The following PRKG2 variants were observed in gnomAD, a reference collection of about 807,000 sequenced individuals.
PRKG2 encodes protein kinase cGMP-dependent 2, also known as cGMP-dependent protein kinase 2.
In PRKG2, 33 loss-of-function variants were observed where a neutral mutation model predicts 97.2. The observed-to-expected ratio is 0.34, with a 90% CI of 0.26 to 0.45. The LOEUF is 0.45. PRKG2 is among the 20% of genes least tolerant of loss of function. The pLI is 1.00. For missense variants in PRKG2, 638 were observed against 900.0 expected, an observed-to-expected ratio of 0.71 and a Z score of 3.73; for synonymous variants, 330 against 321.8, an observed-to-expected ratio of 1.03 and a Z score of -0.27.
In PRKG2 at chr4:81,178,985, C is replaced by T. The variant is rs538808966; in HGVS notation, c.462-4026G>A. ...ACTAAAAATACAAAAAATAGCTGGT[C>T]GTGGTGGCAGGCGCCTGTAGTCCCA... On this transcript the variant is annotated intron_variant, in intron 2 of 18. Coordinates refer to ENST00000264399, the MANE Select transcript of PRKG2 (RefSeq NM_006259.3). 8.6e-4 allele frequency among the ~76,000 whole-genome samples: 130 copies of T among 151,718 alleles called. 1 individual carries two copies. Among genetic ancestry groups the T allele is most frequent in the African/African-American group, 3.0e-3 (124 of 41,374 alleles).
At chr4:81,098,858 A>T (rs1031635067) in intron 17 of PRKG2, among the ~76,000 whole-genome samples, 1 of 152,240 alleles carries the variant, frequency 6.6e-6, no homozygotes, top group African/African-American at 2.4e-5. Flanking sequence ...AATTACCAAA[A>T]TGTAACACAG....
At position 81,210,031 on chromosome 4, in the gene PRKG2, T is replaced by A. The variant is rs868389312; in HGVS notation, c.-14+4905A>T. ...ACCGGAACAACTAGGCATTAATTTT[T>A]AAAAAAATAGAATCTAGATACCGAT... On this transcript the variant is annotated intron_variant, in intron 1 of 18. Coordinates refer to ENST00000264399, the MANE Select transcript of PRKG2 (RefSeq NM_006259.3). Among the ~76,000 whole-genome samples, 15 of 152,098 alleles carry A rather than the reference T, an allele frequency of 9.9e-5. No individual in the cohort carries two copies. The East Asian group carries it at 1.2e-3, about 12-fold the overall frequency.
chr4:81,143,127 G>C (rs377100650), intron 10 of PRKG2, among the ~76,000 whole-genome samples, 180 bp from the exon 11 acceptor site: 3 of 152,222 alleles, frequency 2.0e-5, no homozygotes, highest in African/African-American at 7.2e-5. Context: ...GAAAACAATA[G>C]AATATACAAA....
chr4:81,122,942 T>C (rs1745207456), intron 14 of PRKG2, among the ~76,000 whole-genome samples: 1 of 152,234 alleles, frequency 6.6e-6, no homozygotes, highest in Admixed American at 6.5e-5. Context: ...AAAACAGCTC[T>C]GGCTGGGCTG....
At chr4:81,153,801 T>A (rs1306616845) in intron 6 of PRKG2, 80 bp from the exon 7 acceptor site, 3 of 986,026 alleles carry the variant, frequency 3.0e-6, no homozygotes, top group Non-Finnish European at 4.8e-6. Context: ...AGTATACAGC[T>A]CCCAGCGTGA....
intron 2 of PRKG2, among the ~76,000 whole-genome samples, chr4:81,189,529 C>T (rs564499510): frequency 9.8e-4 from 147 of 149,664 alleles, no homozygotes; most frequent in Non-Finnish European, 1.4e-3. Context: ...CCAAACACCG[C>T]GTATTCTCAC....
intron 2 of PRKG2, 34 bp from the exon 3 acceptor site, chr4:81,174,993 T>C: frequency 1.3e-6 from 2 of 1,522,390 alleles, no homozygotes; most frequent in Non-Finnish European, 1.8e-6. Flanking sequence ...TAGTTACAAT[T>C]AATGAAAATC....
At chr4:81,173,082 A>AT (rs1750634985) in intron 3 of PRKG2, among the ~76,000 whole-genome samples, 1 of 152,156 alleles carries the variant, frequency 6.6e-6, no homozygotes, top group South Asian at 2.1e-4. Flanking sequence ...GTTATGGCTC[A>AT]TTGTGCCTGA....
intron 2 of PRKG2, chr4:81,192,353 A>G (rs1246675891): frequency 6.6e-6 from 1 of 152,206 alleles, no homozygotes; most frequent in Non-Finnish European, 1.5e-5. Flanking sequence ...CCAAGGTGCT[A>G]GTAATGTTTA....
At chr4:81,183,021 A>T (rs1751553785) in intron 2 of PRKG2, among the ~76,000 whole-genome samples, 1 of 152,154 alleles carries the variant, frequency 6.6e-6, no homozygotes, top group Non-Finnish European at 1.5e-5. Flanking sequence ...GAAAATTGAG[A>T]AGCTGATATT....
chr4:81,105,787 A>T (rs1221252051), intron 16 of PRKG2, 26 bp downstream of exon 16: 1 of 1,612,128 alleles, frequency 6.2e-7, no homozygotes. Flanking sequence ...TCTTCAAGAC[A>T]AGGGGTTACT....
chr4:81,101,527 G>A (rs1014170308), intron 17 of PRKG2, among the ~76,000 whole-genome samples: 7 of 147,570 alleles, frequency 4.7e-5, no homozygotes, highest in Non-Finnish European at 1.0e-4. Context: ...GAGAACACAT[G>A]GACCCAGGAA....
intron 2 of PRKG2, among the ~76,000 whole-genome samples, chr4:81,182,382 A>G (rs1751493647): frequency 6.6e-6 from 1 of 152,058 alleles, no homozygotes; most frequent in Admixed American, 6.5e-5. Context: ...TGGCAAATTA[A>G]GTATAGAGGA....
chr4:81,142,647 G>C (rs768444588), intron 11 of PRKG2, 147 bp downstream of exon 11: 1 of 1,032,762 alleles, frequency 9.7e-7, no homozygotes, highest in African/African-American at 1.6e-5. Context: ...AATATACAGA[G>C]TGAAAAGTTT....
At chr4:81,117,610 C>A (rs552127422) in intron 14 of PRKG2, among the ~76,000 whole-genome samples, 1 of 152,068 alleles carries the variant, frequency 6.6e-6, no homozygotes, top group South Asian at 2.1e-4. Context: ...ATTCTCTCAG[C>A]GTCTATTAAG....
chr4:81,140,597 G>A lies in PRKG2; in HGVS notation c.1480C>T (p.Gln494Ter). The change falls in exon 12 of 19, where the codon CAG (glutamine) becomes TAG (stop). Residue 494 changes from glutamine (Q) to a stop codon, truncating the protein, a stop_gained. Coordinates refer to ENST00000264399, the MANE Select transcript of PRKG2 (RefSeq NM_006259.3). LOFTEE classifies it high-confidence loss of function. ...IRKKHIVDTK[Q>*]QEHVYSEKRI... ...TTCTCTGAGTAGACATGCTCCTGCTGCTTGGTGTCAACTATGTGCTTCTTC... is the reference window on the plus strand; with the variant it reads ...TTCTCTGAGTAGACATGCTCCTGCTACTTGGTGTCAACTATGTGCTTCTTC... 6.2e-7 allele frequency: 1 copy of A among 1,613,170 alleles called. No homozygotes were observed. Among genetic ancestry groups the A allele is most frequent in the Non-Finnish European group, 8.5e-7 (1 of 1,179,312 alleles).
chr4:81,200,722 A>G (rs938347239), intron 2 of PRKG2, among the ~76,000 whole-genome samples: 7 of 152,130 alleles, frequency 4.6e-5, no homozygotes, highest in African/African-American at 1.7e-4. Context: ...GCATCAAACA[A>G]TCTGTAAGGT....
rs189146432 is a variant in PRKG2 at position 81,128,535 on chromosome 4, C to T, written c.1776+6620G>A. On this transcript the variant is annotated intron_variant, in intron 14 of 18. Coordinates refer to ENST00000264399, the MANE Select transcript of PRKG2 (RefSeq NM_006259.3). ...CTTGTTATTCATCTATTCAGGGATTCGACTTCTTCCCGGTTTAGCCTTGGG... is the reference window on the plus strand; with the variant it reads ...CTTGTTATTCATCTATTCAGGGATTTGACTTCTTCCCGGTTTAGCCTTGGG... Among the ~76,000 whole-genome samples, 28 of 152,228 alleles carry T rather than the reference C, an allele frequency of 1.8e-4. No homozygotes were observed. In the East Asian group the frequency reaches 4.6e-3, roughly 25 times the overall value.
intron 17 of PRKG2, among the ~76,000 whole-genome samples, chr4:81,093,067 C>A (rs1352594787): frequency 1.3e-5 from 2 of 152,088 alleles, no homozygotes; most frequent in Non-Finnish European, 2.9e-5. Context: ...TGTTCCATGT[C>A]TTTGCTGTAA....
Sources: gnomAD v4.1 joint callset for allele counts (sites outside exome capture counted in the v4.1 genomes callset) on GRCh38, gnomAD v4.1.1 for gene constraint, MANE v1.5 for transcripts, NCBI Gene and HGNC (gene_info 2026-07-23, HGNC 2026-07-21) for gene names.